RABGAP1L: variants seen among roughly 807,000 people sequenced by gnomAD.
RABGAP1L encodes the protein rab GTPase-activating protein 1-like.
RABGAP1L carries 63 observed loss-of-function variants against 137.7 expected under a neutral mutation model. That is an observed-to-expected ratio of 0.46 (90% CI 0.37 to 0.56). The LOEUF is 0.56. Ranked by LOEUF, RABGAP1L falls within the 20% of genes least tolerant of loss-of-function variation. The pLI is 0.00. For synonymous variants in RABGAP1L, 431 were observed against 433.7 expected, an observed-to-expected ratio of 0.99 and a Z score of 0.08; for missense variants, 1,095 against 1,244.0, an observed-to-expected ratio of 0.88 and a Z score of 1.80.
intron 19 of RABGAP1L, among the ~76,000 whole-genome samples, chr1:174,866,633 C>T (rs376701448): frequency 2.8e-4 from 43 of 152,104 alleles, no homozygotes; most frequent in South Asian, 6.2e-4. Flanking sequence ...TACTACAGGC[C>T]AGGCATGGTG....
At chr1:174,915,308 G>GC (rs1351930452) in intron 19 of RABGAP1L, among the ~76,000 whole-genome samples, 7 of 152,104 alleles carry the variant, frequency 4.6e-5, no homozygotes. Flanking sequence ...AAGGATTCCA[G>GC]TTTCTCCATA....
intron 13 of RABGAP1L, among the ~76,000 whole-genome samples, chr1:174,491,923 A>T (rs1196473106): frequency 6.6e-6 from 1 of 152,164 alleles, no homozygotes; most frequent in Non-Finnish European, 1.5e-5. Context: ...AGATGCACAG[A>T]TTCTTCTTGC....
intron 17 of RABGAP1L, among the ~76,000 whole-genome samples, chr1:174,735,921 T>C (rs1389147066): frequency 1.3e-5 from 2 of 152,174 alleles, no homozygotes; most frequent in Non-Finnish European, 2.9e-5. Flanking sequence ...TACACCTCCA[T>C]GATCCAAACA....
chr1:174,342,346 T>G (rs1297964462), intron 11 of RABGAP1L, among the ~76,000 whole-genome samples: 1 of 152,094 alleles, frequency 6.6e-6, no homozygotes, highest in Non-Finnish European at 1.5e-5. Flanking sequence ...ATAATAGCAT[T>G]TTCTATTTTT....
Position 174,392,334 on chromosome 1 carries a change from A to G in RABGAP1L, c.1560-1661A>G, listed in dbSNP as rs533594514. Reference sequence around the variant, plus strand: ...CTATGCATGTCTAAAAGCAGGTTTCAAAATAGCGGTTATGGAGGTGTATTT... The same window carrying G: ...CTATGCATGTCTAAAAGCAGGTTTCGAAATAGCGGTTATGGAGGTGTATTT... On this transcript the variant is annotated intron_variant, in intron 12 of 25. Transcript: ENST00000681986. Among the ~76,000 whole-genome samples, 11 of 152,330 alleles carry G rather than the reference A, an allele frequency of 7.2e-5. No homozygotes were observed. The South Asian group carries it at 2.3e-3, about 32-fold the overall frequency.
intron 13 of RABGAP1L, among the ~76,000 whole-genome samples, chr1:174,455,864 A>T (rs920609817): frequency 2.0e-5 from 3 of 152,116 alleles, no homozygotes; most frequent in Non-Finnish European, 4.4e-5. Flanking sequence ...CTCATTTCAC[A>T]TATAGGAATC....
At position 174,327,991 on chromosome 1, in the gene RABGAP1L, A is replaced by G. The variant is rs1558136270; in HGVS notation, c.1465+22864A>G. Among the ~76,000 whole-genome samples the G allele has an allele frequency of 1.1e-4, 4 of 38,038 alleles. 1 individual carries two copies. Among genetic ancestry groups the G allele is most frequent in the African/African-American group, 3.8e-4 (4 of 10,572 alleles). 25.0% of individuals were successfully genotyped at this position (38,038 alleles called of 152,430 possible). A position where few individuals can be genotyped will look rare whatever the true frequency, so the allele number is the denominator to read the frequency against. Reference sequence around the variant, plus strand: ...TATATATATATATACACACACATATATATATATATATATATATATATATAT... The same window carrying G: ...TATATATATATATACACACACATATGTATATATATATATATATATATATAT... On this transcript the variant is annotated intron_variant, in intron 11 of 25. Transcript: ENST00000681986.
At chr1:174,472,730 C>T (rs956943416) in intron 13 of RABGAP1L, among the ~76,000 whole-genome samples, 1 of 152,112 alleles carries the variant, frequency 6.6e-6, no homozygotes, top group Non-Finnish European at 1.5e-5. Flanking sequence ...ACATAGGCAC[C>T]CTTTGCCTAG....
intron 19 of RABGAP1L, among the ~76,000 whole-genome samples, chr1:174,955,696 C>A (rs1321548842): frequency 6.6e-6 from 1 of 152,178 alleles, no homozygotes; most frequent in Non-Finnish European, 1.5e-5. Context: ...AACACATCAT[C>A]CTTGCCTTCT....
rs1043144046 is a variant in RABGAP1L, at chr1:174,722,506, G to A, written c.2169+20250G>A. Among the ~76,000 whole-genome samples, 9 of 151,246 alleles carry A rather than the reference G, an allele frequency of 6.0e-5. No individual in the cohort carries two copies. In the East Asian group the frequency reaches 1.6e-3, roughly 26 times the overall value. ...CTCTTGTTGCCCAGGCTGGAGTGCA[G>A]TGGTGCAATCTCGGCTCACTGCAAC... On this transcript the variant is annotated intron_variant, in intron 17 of 25. Coordinates refer to ENST00000681986, the MANE Select transcript of RABGAP1L (RefSeq NM_001366446.1).
intron 1 of RABGAP1L, among the ~76,000 whole-genome samples, chr1:174,169,765 T>C (rs1665195393): frequency 6.6e-6 from 1 of 152,138 alleles, no homozygotes; most frequent in Non-Finnish European, 1.5e-5. Flanking sequence ...TCATAGCTCA[T>C]TGCAGCCTCA....
intron 13 of RABGAP1L, among the ~76,000 whole-genome samples, chr1:174,402,211 A>G (rs1307297954): frequency 6.6e-6 from 1 of 152,156 alleles, no homozygotes; most frequent in East Asian, 1.9e-4. Flanking sequence ...AAACTGTCAC[A>G]TGGTTACTAA....
intron 23 of RABGAP1L, 60 bp from the exon 24 acceptor site, chr1:174,982,774 T>C (rs755147840): frequency 1.4e-6 from 2 of 1,466,936 alleles, no homozygotes; most frequent in Non-Finnish European, 1.9e-6. Flanking sequence ...TAAGTAGTTA[T>C]GTGTACATGC....
chr1:174,720,572 TC>T (rs1330211761), intron 17 of RABGAP1L, among the ~76,000 whole-genome samples: 2 of 152,108 alleles, frequency 1.3e-5, no homozygotes, highest in African/African-American at 4.8e-5. Context: ...CACCTCAGCC[TC>T]CCAGAGTACT....
chr1:174,535,849 A>C (rs972712863), intron 13 of RABGAP1L, among the ~76,000 whole-genome samples: 1 of 152,216 alleles, frequency 6.6e-6, no homozygotes, highest in Non-Finnish European at 1.5e-5. Context: ...GTTTTATAGA[A>C]AAATTGAGCA....
At chr1:174,867,979 T>C (rs1409985724) in intron 19 of RABGAP1L, among the ~76,000 whole-genome samples, 1 of 152,020 alleles carries the variant, frequency 6.6e-6, no homozygotes, top group Admixed American at 6.6e-5. Context: ...TAAACTCTTT[T>C]TTTTTTGATG....
chr1:174,536,643 T>C lies in RABGAP1L; in HGVS notation c.1711-100732T>C, dbSNP rs115217101. Among the ~76,000 whole-genome samples, 1,440 of 152,268 alleles carry C rather than the reference T, an allele frequency of 9.5e-3. 24 individuals carry two copies. The highest frequency in any genetic ancestry group is 0.033 in the African/African-American group (1,380 of 41,560). ...GCTTTTAGATAATAGCCTAAGTCAC[T>C]GATTAGAAGGGAAAACCCATCTTTG... On this transcript the variant is annotated intron_variant, in intron 13 of 25. Coordinates refer to ENST00000681986, the MANE Select transcript of RABGAP1L (RefSeq NM_001366446.1).
intron 10 of RABGAP1L, among the ~76,000 whole-genome samples, chr1:174,289,722 C>A (rs891471254): frequency 6.6e-6 from 1 of 152,164 alleles, no homozygotes; most frequent in Non-Finnish European, 1.5e-5. Context: ...GGTCTCTGAT[C>A]TGGTGGGGCT....
At chr1:174,952,280 T>C (rs1471403725) in intron 19 of RABGAP1L, among the ~76,000 whole-genome samples, 2 of 147,914 alleles carry the variant, frequency 1.4e-5, no homozygotes, top group African/African-American at 2.5e-5. Context: ...GGTGGGAAGA[T>C]TGCTTGAGCC....
Sources: allele counts gnomAD v4.1 joint callset (sites outside exome capture counted in the v4.1 genomes callset), GRCh38; gene constraint gnomAD v4.1.1; transcripts MANE v1.5; gene names NCBI Gene and HGNC (gene_info 2026-07-23, HGNC 2026-07-21).